Variants in COL11A1 observed in about 807,000 individuals in gnomAD.
COL11A1 encodes the protein collagen alpha-1(XI) chain.
Under a neutral mutation model 265.2 loss-of-function variants are expected in COL11A1, and 74 were observed. That is an observed-to-expected ratio of 0.28 (90% CI 0.23 to 0.34). The LOEUF (loss-of-function observed/expected upper bound fraction) is 0.34. Among genes scored for constraint, COL11A1 ranks in the 10% least tolerant of loss-of-function variants. The pLI is 1.00. For synonymous variants in COL11A1, 816 were observed against 727.6 expected (o/e 1.12, Z -1.96); for missense variants, 2,165 against 2,263.6 (o/e 0.96, Z 0.88).
chr1:102,886,814 G>T lies in COL11A1; in HGVS notation c.4851C>A (p.Phe1617Leu), dbSNP rs1449189271. The T allele has an allele frequency of 1.9e-6, 3 of 1,613,854 alleles. No homozygotes were observed. Among genetic ancestry groups the T allele is most frequent in the Non-Finnish European group, 2.5e-6 (3 of 1,179,792 alleles). The change falls in exon 63 of 67, where the codon TTC (phenylalanine) becomes TTA (leucine). Residue 1617 changes from phenylalanine (F) to leucine (L), a missense_variant. By Grantham distance (22) the Phe-to-Leu change is conservative. Transcript: ENST00000370096. ...CKDLQLSHPD[F>L]PDGEYWIDPN... ...CATGTATTATTTACATACCATCTGGGAAGTCAGGATGGCTGAGTTGCAGGT... is the reference window on the plus strand; with the variant it reads ...CATGTATTATTTACATACCATCTGGTAAGTCAGGATGGCTGAGTTGCAGGT...
At chr1:103,048,700 A>G (rs960164606) in intron 4 of COL11A1, among the ~76,000 whole-genome samples, 2 of 152,060 alleles carry the variant, frequency 1.3e-5, no homozygotes, top group African/African-American at 4.8e-5. Flanking sequence ...TAGGGTGTCA[A>G]TTTTGGATCT....
chr1:103,062,952 A>T (rs1392973613), intron 4 of COL11A1, among the ~76,000 whole-genome samples: 1 of 152,060 alleles, frequency 6.6e-6, no homozygotes, highest in African/African-American at 2.4e-5. Flanking sequence ...TTTGAAATTT[A>T]TCACTCAACA....
intron 8 of COL11A1, 40 bp downstream of exon 8, chr1:103,022,702 A>G (rs761935521): frequency 9.9e-6 from 16 of 1,611,860 alleles, no homozygotes; most frequent in African/African-American, 1.3e-5. Context: ...ATATCCCATA[A>G]ATAAGACATA....
rs1299584790 is a variant in COL11A1 at position 102,877,164 on chromosome 1, A to G, written c.*855T>C. 1 of 152,610 alleles carries G rather than the reference A, an allele frequency of 6.6e-6. No individual in the cohort carries two copies. The highest frequency in any genetic ancestry group is 1.5e-5 in the Non-Finnish European group (1 of 68,016). 9.5% of individuals were successfully genotyped at this position (152,610 alleles called of 1,614,324 possible). On this transcript the variant is annotated 3_prime_UTR_variant, in exon 67 of 67. Coordinates refer to ENST00000370096, the MANE Select transcript of COL11A1 (RefSeq NM_001854.4). ...TTGACGGAGGCATTGATTTGTTAAT[A>G]TACTTTCTTACACACATTTCCCTGT...
At chr1:103,000,945 A>T (rs1457476200) in intron 24 of COL11A1, 2 of 381,992 alleles carry the variant, frequency 5.2e-6, no homozygotes, top group Non-Finnish European at 4.6e-6. Context: ...AAGTACTAAT[A>T]TATGTATGCT....
intron 24 of COL11A1, among the ~76,000 whole-genome samples, chr1:103,000,243 TG>T (rs34818719): frequency 0.036 from 5,499 of 151,794 alleles, 133 homozygotes; most frequent in Middle Eastern, 0.093. Flanking sequence ...AAAATATGAG[TG>T]ACCCAGATTA....
At chr1:103,054,279 C>T (rs186440140) in intron 4 of COL11A1, among the ~76,000 whole-genome samples, 13 of 152,222 alleles carry the variant, frequency 8.5e-5, no homozygotes, top group African/African-American at 1.2e-4. Context: ...AGCTACATTG[C>T]GAAATGCACA....
intron 5 of COL11A1, among the ~76,000 whole-genome samples, chr1:103,026,644 A>G (rs1035829336): frequency 6.6e-6 from 1 of 152,196 alleles, no homozygotes; most frequent in African/African-American, 2.4e-5. Context: ...ATGTACTTGG[A>G]CATAGATGTC....
At chr1:103,083,626 T>C (rs141196231) in intron 1 of COL11A1, among the ~76,000 whole-genome samples, 1 of 152,310 alleles carries the variant, frequency 6.6e-6, no homozygotes, top group Non-Finnish European at 1.5e-5. Flanking sequence ...AGTGCTTTCC[T>C]GAGTTAGTTA....
chr1:102,909,423 C>G (rs1002462571), intron 54 of COL11A1, among the ~76,000 whole-genome samples: 6 of 152,086 alleles, frequency 3.9e-5, no homozygotes, highest in Admixed American at 2.0e-4. Context: ...TACCCAGCCT[C>G]AGGTATTCTT....
At position 103,060,677 on chromosome 1, in the gene COL11A1, C is replaced by T. The variant is rs532832015; in HGVS notation, c.651+13941G>A. On this transcript the variant is annotated intron_variant, in intron 4 of 66. Transcript: ENST00000370096. ...ATAGGTGTAAGTTCATATTTAAAAA[C>T]CTAGCCAGGTGAGGCGGCACATGCA... Among the ~76,000 whole-genome samples, 413 of 152,102 alleles carry T rather than the reference C, an allele frequency of 2.7e-3. 5 individuals are homozygous for T. Among genetic ancestry groups the T allele is most frequent in the African/African-American group, 9.3e-3 (386 of 41,516 alleles).
chr1:103,081,183 T>A (rs993946482), intron 2 of COL11A1, among the ~76,000 whole-genome samples: 1 of 151,850 alleles, frequency 6.6e-6, no homozygotes, highest in Non-Finnish European at 1.5e-5. Flanking sequence ...AAATTAGTTA[T>A]ATAAAATTAA....
intron 25 of COL11A1, among the ~76,000 whole-genome samples, chr1:102,997,449 G>T (rs1312622831): frequency 2.6e-5 from 4 of 151,840 alleles, no homozygotes; most frequent in African/African-American, 7.2e-5. Context: ...TTACATAAAG[G>T]TATTTAAATC....
chr1:102,947,502 G>A (rs1236951052), intron 41 of COL11A1, among the ~76,000 whole-genome samples: 1 of 151,976 alleles, frequency 6.6e-6, no homozygotes, highest in Non-Finnish European at 1.5e-5. Flanking sequence ...CCTAAAGTCT[G>A]GACGTTTTCC....
intron 35 of COL11A1, among the ~76,000 whole-genome samples, chr1:102,976,384 C>T (rs1306410268): frequency 2.1e-5 from 3 of 139,754 alleles, no homozygotes; most frequent in East Asian, 2.5e-4. Context: ...CTGCAACCTC[C>T]GCCTCCTGGG....
At position 103,015,902 on chromosome 1, in the gene COL11A1, T is replaced by C. The variant is rs1006100785; in HGVS notation, c.1414-160A>G. Among the ~76,000 whole-genome samples, 6 of 152,236 alleles carry C rather than the reference T, an allele frequency of 3.9e-5. No homozygotes were observed. The South Asian group carries it at 1.2e-3, about 32-fold the overall frequency. On this transcript the variant is annotated intron_variant, in intron 11 of 66. Transcript: ENST00000370096. ...TAAGTATACCTAGACAGAATTCTAT[T>C]CTGTTGCACTAGTTTTAGATGATTT... is the stretch of plus-strand genomic sequence containing the variant.
chr1:103,026,275 C>A lies in COL11A1; in HGVS notation c.838G>T (p.Glu280Ter). Residue 280 changes from glutamate (E) to a stop codon, truncating the protein, a stop_gained, in exon 6 of 67, where the codon GAG (glutamate) becomes TAG (stop). Coordinates refer to ENST00000370096, the MANE Select transcript of COL11A1 (RefSeq NM_001854.4). LOFTEE classifies it high-confidence loss of function. ...GGTCCCTCTGTTACACTTTCAGCCT[C>A]TTTATACTCTGCTTCCCCATACTCA... ...DYEYGEAEYK[E>*]AESVTEGPTV... 6.2e-7 allele frequency: 1 copy of A among 1,613,780 alleles called. No homozygotes were observed. Among genetic ancestry groups the A allele is most frequent in the Non-Finnish European group, 8.5e-7 (1 of 1,179,726 alleles).
At position 103,085,563 on chromosome 1, in the gene COL11A1, A is replaced by G. The variant is rs80198942; in HGVS notation, c.107-2591T>C. Among the ~76,000 whole-genome samples the G allele has an allele frequency of 3.4e-4, 51 of 152,178 alleles. 1 individual carries two copies. In the East Asian group the frequency reaches 9.9e-3, roughly 29 times the overall value. On this transcript the variant is annotated intron_variant, in intron 1 of 66. Coordinates refer to ENST00000370096, the MANE Select transcript of COL11A1 (RefSeq NM_001854.4). The stretch of plus-strand genomic sequence containing the variant: ...TTCTTATCAACATTATCACTGAACG[A>G]GTTGAACAAAACAACAGTATTTGAG...
chr1:102,931,513 G>C (rs1304766978), intron 46 of COL11A1, among the ~76,000 whole-genome samples: 1 of 152,106 alleles, frequency 6.6e-6, no homozygotes. Context: ...TTACTTCCAA[G>C]TATGTGGTCA....
Sources: allele counts gnomAD v4.1 joint callset (sites outside exome capture counted in the v4.1 genomes callset), GRCh38; gene constraint gnomAD v4.1.1; transcripts MANE v1.5; gene names NCBI Gene and HGNC (gene_info 2026-07-23, HGNC 2026-07-21).